The following ZNF469 variants were observed in gnomAD, a reference collection of about 807,000 sequenced individuals.
The protein encoded by ZNF469 is zinc finger protein 469.
ZNF469 carries 1 observed loss-of-function variant against 1.0 expected under a neutral mutation model. The observed-to-expected ratio is 1.00, with a 90% confidence interval of 0.35 to 4.73. ZNF469 has a LOEUF of 4.73. Ranked by LOEUF, ZNF469 falls within the 30% of genes most tolerant of loss-of-function variation. The pLI is 0.16. For missense variants in ZNF469, 6,100 were observed against 5,356.3 expected (o/e 1.14, Z -4.33); for synonymous variants, 2,703 against 2,363.4 (o/e 1.14, Z -4.17).
chr16:88,229,478 C>T, the ZNF469 span, among the ~76,000 whole-genome samples: 33 of 152,142 alleles, frequency 2.2e-4, no homozygotes, highest in Admixed American at 4.6e-4. Context: ...GTGGTCATTA[C>T]GTGCGGTGCT....
At chr16:88,168,468 G>A in the ZNF469 span, among the ~76,000 whole-genome samples, 1 of 151,440 alleles carries the variant, frequency 6.6e-6, no homozygotes, top group Non-Finnish European at 1.5e-5. The surrounding 1 kb of genome is among the most constrained non-coding windows in gnomAD (Gnocchi z 4.3). Context: ...CTTGTGTGGG[G>A]TCGCTCATGT....
chr16:88,126,714 C>T, the ZNF469 span, among the ~76,000 whole-genome samples: 33 of 151,362 alleles, frequency 2.2e-4, no homozygotes, highest in African/African-American at 7.3e-4. Flanking sequence ...AGTGCAGTGG[C>T]TCGATCTCGG....
At chr16:88,256,896 T>TTTCTCTCTCTCTC in the ZNF469 span, among the ~76,000 whole-genome samples, 24 of 27,052 alleles carry the variant, frequency 8.9e-4, no homozygotes, top group African/African-American at 2.9e-3. Context: ...TTTTCTTTCC[T>TTTCTCTCTCTCTC]TCTTTCTTTC....
chr16:88,102,645 C>T, the ZNF469 span, among the ~76,000 whole-genome samples: 2 of 152,190 alleles, frequency 1.3e-5, no homozygotes, highest in Non-Finnish European at 2.9e-5. Context: ...GGTCCAGGGG[C>T]TAAATCACAA....
rs1165825244 is a variant in ZNF469, at chr16:88,436,463, G to A, written c.8993G>A (p.Arg2998Gln). 17 of 1,546,792 alleles carry A rather than the reference G, an allele frequency of 1.1e-5. No individual in the cohort carries two copies. Among genetic ancestry groups the A allele is most frequent in the African/African-American group, 5.5e-5 (4 of 73,056 alleles). Residue 2998 changes from arginine to glutamine, a missense_variant, in exon 3 of 3, where the codon CGA becomes CAA. Transcript: ENST00000565624. ...CTGCACATGGTCCCAGCGGCTTGGC[G>A]AGGCCTGGAGATGCCGGCCCCTGCC... ...PELHMVPAAW[R>Q]GLEMPAPADD... is the part of the protein sequence containing the mutation.
At chr16:88,393,756 T>A (rs1274271109) in intron 1 of ZNF469, among the ~76,000 whole-genome samples, 2 of 152,236 alleles carry the variant, frequency 1.3e-5, no homozygotes, top group Non-Finnish European at 2.9e-5. Context: ...AGGCTGGCAA[T>A]TGGTCTGAAA....
chr16:88,392,702 C>T (rs1200751880), intron 1 of ZNF469, among the ~76,000 whole-genome samples: 2 of 152,236 alleles, frequency 1.3e-5, no homozygotes, highest in Non-Finnish European at 1.5e-5. Context: ...CTGCTGTCCC[C>T]AGACACCCCA....
At chr16:88,403,080 T>C (rs542723257) in intron 1 of ZNF469, among the ~76,000 whole-genome samples, 1 of 152,166 alleles carries the variant, frequency 6.6e-6, no homozygotes, top group South Asian at 2.1e-4. Context: ...CCCAGAAACT[T>C]AAGAAGGAGA....
the ZNF469 span, among the ~76,000 whole-genome samples, chr16:88,106,719 G>A: frequency 6.6e-6 from 1 of 152,242 alleles, no homozygotes; most frequent in Non-Finnish European, 1.5e-5. Context: ...GGGCATTCAG[G>A]TGCAGGCTGG....
the ZNF469 span, among the ~76,000 whole-genome samples, chr16:88,204,769 C>T: frequency 2.0e-5 from 3 of 152,136 alleles, no homozygotes; most frequent in Non-Finnish European, 4.4e-5. Context: ...CTAAAGGGTC[C>T]TGGAGTGGGG....
chr16:88,280,643 C>T, the ZNF469 span, among the ~76,000 whole-genome samples: 2 of 151,820 alleles, frequency 1.3e-5, no homozygotes, highest in Non-Finnish European at 2.9e-5. Flanking sequence ...GATATCAGTG[C>T]ATGGGTTAGT....
At chr16:88,143,620 G>C in the ZNF469 span, among the ~76,000 whole-genome samples, 1 of 152,248 alleles carries the variant, frequency 6.6e-6, no homozygotes. Flanking sequence ...GGGCTGACAT[G>C]TGTCAGACAC....
In ZNF469 at chr16:88,433,326, T is replaced by C. The variant is rs186652137; in HGVS notation, c.5856T>C (p.Cys1952=). ...GGTVEGGKVA[C]GPAQGSPGGV... is the part of the protein sequence containing the mutation. The stretch of plus-strand genomic sequence containing the variant: ...CTGTGGAAGGAGGGAAGGTGGCCTG[T>C]GGCCCCGCCCAGGGCTCCCCAGGGG... Residue 1952 remains cysteine (C), a synonymous_variant, in exon 3 of 3, where the codon TGT becomes TGC. Coordinates refer to ENST00000565624, the MANE Select transcript of ZNF469 (RefSeq NM_001367624.2). 992 of 1,550,280 alleles carry C rather than the reference T, an allele frequency of 6.4e-4. 10 individuals carry two copies. The African/African-American group carries it at 0.012, about 19-fold the overall frequency.
chr16:88,435,691 G>A lies in ZNF469; in HGVS notation c.8221G>A (p.Gly2741Arg), dbSNP rs1906522264. Residue 2741 changes from glycine (G) to arginine (R), a missense_variant, in exon 3 of 3, where the codon GGG becomes AGG. Gly to Arg is a moderately radical substitution (Grantham distance 125). Transcript: ENST00000565624. ...AGGGAGGATGGATGGTGCAGCTCTG[G>A]GGGAACAGCCAACTGGGCAGAAGGG... ...CPGRMDGAAL[G>R]EQPTGQKGAS... 2 of 1,550,544 alleles carry A rather than the reference G, an allele frequency of 1.3e-6. No individual in the cohort carries two copies. Among genetic ancestry groups the A allele is most frequent in the African/African-American group, 1.4e-5 (1 of 73,034 alleles).
chr16:88,431,096 C>G lies in ZNF469; in HGVS notation c.3626C>G (p.Thr1209Ser). The G allele has an allele frequency of 6.5e-7, 1 of 1,550,288 alleles. No homozygotes were observed. The highest frequency in any genetic ancestry group is 8.7e-7 in the Non-Finnish European group (1 of 1,146,948). The change falls in exon 3 of 3, where the codon ACC (threonine) becomes AGC (serine). Residue 1209 changes from threonine to serine, a missense_variant. Coordinates refer to ENST00000565624, the MANE Select transcript of ZNF469 (RefSeq NM_001367624.2). The stretch of plus-strand genomic sequence containing the variant: ...GATCCCCTGCAGGTCCCCACCAACA[C>G]CGAGACCTCAGAGGAAACCCGCCCG... ...PKDPLQVPTN[T>S]ETSEETRPSL...
chr16:88,261,757 A>G, the ZNF469 span, among the ~76,000 whole-genome samples: 1 of 151,690 alleles, frequency 6.6e-6, no homozygotes, highest in Non-Finnish European at 1.5e-5. The surrounding 1 kb of genome is among the most constrained non-coding windows in gnomAD (Gnocchi z 6.0). Flanking sequence ...GCCTCGGTTA[A>G]CTCCCCTTCC....
chr16:88,183,318 G>A, the ZNF469 span, among the ~76,000 whole-genome samples: 12,314 of 152,230 alleles, frequency 0.081, 705 homozygotes, highest in East Asian at 0.23. Flanking sequence ...CAAAAGAAAT[G>A]AAACTGCACG....
chr16:88,338,423 G>A, the ZNF469 span, among the ~76,000 whole-genome samples: 2 of 152,310 alleles, frequency 1.3e-5, no homozygotes, highest in Middle Eastern at 3.4e-3. Context: ...TGCCCTGGTC[G>A]ACTTGATGAG....
intron 1 of ZNF469, among the ~76,000 whole-genome samples, chr16:88,412,756 G>A (rs1905206329): frequency 6.6e-6 from 1 of 152,234 alleles, no homozygotes; most frequent in Admixed American, 6.5e-5. Flanking sequence ...GCAGCCCAGA[G>A]AGAACGCTCA....
Sources: gnomAD v4.1 joint callset for allele counts (sites outside exome capture counted in the v4.1 genomes callset) on GRCh38, gnomAD v4.1.1 for gene constraint, Gnocchi (gnomAD v3.1) non-coding constraint, MANE v1.5 for transcripts, NCBI Gene and HGNC (gene_info 2026-07-23, HGNC 2026-07-21) for gene names.